ABHD12: variants seen among roughly 807,000 people sequenced by gnomAD.
ABHD12 encodes the protein lysophosphatidylserine lipase ABHD12.
A neutral mutation model predicts 58.3 loss-of-function variants in ABHD12; 43 were observed. The observed-to-expected ratio is 0.74, with a 90% CI of 0.58 to 0.95. The LOEUF (loss-of-function observed/expected upper bound fraction) is 0.95. Ranked by LOEUF, ABHD12 falls within the 40% of genes least tolerant of loss-of-function variation. The probability of loss-of-function intolerance (pLI) is 0.00; values close to 1 mark genes in which losing one functional copy is unlikely to be tolerated. For missense variants in ABHD12, 539 were observed against 537.2 expected, an observed-to-expected ratio of 1.00 and a Z score of -0.03; for synonymous variants, 219 against 211.2, an observed-to-expected ratio of 1.04 and a Z score of -0.32.
chr20:25,345,137 G>A (rs182878701), intron 1 of ABHD12, among the ~76,000 whole-genome samples: 2 of 151,714 alleles, frequency 1.3e-5, no homozygotes, highest in East Asian at 3.9e-4. Flanking sequence ...CCAGGCTGAA[G>A]TGCAGTGGTG....
intron 2 of ABHD12, among the ~76,000 whole-genome samples, chr20:25,324,631 T>C (rs1369647512): frequency 6.6e-6 from 1 of 152,138 alleles, no homozygotes; most frequent in Non-Finnish European, 1.5e-5. Flanking sequence ...CCCATGTCCA[T>C]GTGGCACATT....
At chr20:25,344,941 T>C (rs772575807) in intron 1 of ABHD12, among the ~76,000 whole-genome samples, 3 of 152,112 alleles carry the variant, frequency 2.0e-5, no homozygotes, top group Non-Finnish European at 4.4e-5. Context: ...TACATTCGTA[T>C]GGAAAAAAAT....
At chr20:25,374,681 C>T (rs1347617164) in intron 1 of ABHD12, among the ~76,000 whole-genome samples, 1 of 152,122 alleles carries the variant, frequency 6.6e-6, no homozygotes, top group Non-Finnish European at 1.5e-5. Flanking sequence ...TTAGTAGAGA[C>T]AGGACACAGG....
chr20:25,390,220 G>A (rs1175982486), intron 1 of ABHD12: 1 of 295,480 alleles, frequency 3.4e-6, no homozygotes, highest in East Asian at 6.2e-5. Context: ...CGGCTTCCCC[G>A]GGAAAGGGTC....
intron 2 of ABHD12, among the ~76,000 whole-genome samples, chr20:25,330,259 CT>C (rs1218181251): frequency 1.3e-5 from 2 of 152,250 alleles, no homozygotes; most frequent in Admixed American, 6.5e-5. Context: ...TTCCGACTGG[CT>C]TAAAAAACGG....
intron 2 of ABHD12, among the ~76,000 whole-genome samples, chr20:25,331,969 T>C (rs2089284238): frequency 6.6e-6 from 1 of 152,068 alleles, no homozygotes; most frequent in African/African-American, 2.4e-5. Context: ...TAACTTTGAA[T>C]GTAAATGGAC....
chr20:25,317,172 A>G, intron 4 of ABHD12, 94 bp from the exon 5 acceptor site: 1 of 812,714 alleles, frequency 1.2e-6, no homozygotes, highest in Non-Finnish European at 2.1e-6. Flanking sequence ...GGGGGAGGCC[A>G]ATGAAAGAGG....
intron 1 of ABHD12, among the ~76,000 whole-genome samples, chr20:25,359,361 T>C (rs1215722235): frequency 7.0e-6 from 1 of 143,080 alleles, no homozygotes; most frequent in Non-Finnish European, 1.5e-5. Flanking sequence ...GAGGCGGAGC[T>C]TGCAGTGAGC....
downstream of ABHD12, chr20:25,296,273 G>T: frequency 6.8e-7 from 1 of 1,471,064 alleles, no homozygotes; most frequent in Middle Eastern, 1.7e-4. Context: ...AAGGCTCGGA[G>T]CTCATTTGGA....
intron 1 of ABHD12, among the ~76,000 whole-genome samples, chr20:25,382,631 T>G (rs956416891): frequency 6.6e-6 from 1 of 152,166 alleles, no homozygotes; most frequent in Non-Finnish European, 1.5e-5. Flanking sequence ...CCTGACAAGA[T>G]GACCCATCTT....
Position 25,339,219 on chromosome 20 carries a change from C to A in ABHD12, c.316+8G>T, listed in dbSNP as rs914236462. On this transcript the variant is annotated splice_region_variant and intron_variant, in intron 2 of 12. Coordinates refer to ENST00000339157, the MANE Select transcript of ABHD12 (RefSeq NM_001042472.3). The stretch of plus-strand genomic sequence containing the variant: ...AAATTAAAGGAAAAATGGACACATA[C>A]CACTTACCGAAATTCAAGAAAATCA... 5.0e-6 allele frequency: 8 copies of A among 1,613,936 alleles called. No individual in the cohort carries two copies.
At chr20:25,302,470 T>A (rs987669200) in intron 11 of ABHD12, 124 bp from the exon 12 acceptor site, 3 of 1,320,904 alleles carry the variant, frequency 2.3e-6, no homozygotes, top group Admixed American at 1.8e-5. Context: ...ACACTGCTTG[T>A]TGCCACAGCC....
At chr20:25,346,946 G>A (rs1036932175) in intron 1 of ABHD12, among the ~76,000 whole-genome samples, 2 of 151,950 alleles carry the variant, frequency 1.3e-5, no homozygotes, top group African/African-American at 4.8e-5. Flanking sequence ...GCCCGGCCAA[G>A]TTTATTAATT....
intron 2 of ABHD12, among the ~76,000 whole-genome samples, chr20:25,337,842 G>C (rs1214678181): frequency 6.6e-6 from 1 of 152,198 alleles, no homozygotes; most frequent in Non-Finnish European, 1.5e-5. Flanking sequence ...TTGGTATACT[G>C]TTAGTTTCTT....
intron 2 of ABHD12, among the ~76,000 whole-genome samples, chr20:25,335,874 G>A (rs2089358615): frequency 6.7e-6 from 1 of 149,386 alleles, no homozygotes; most frequent in Non-Finnish European, 1.5e-5. Context: ...GAGTTAGTGG[G>A]TGCAGCACAC....
intron 4 of ABHD12, among the ~76,000 whole-genome samples, chr20:25,319,559 C>A (rs372283299): frequency 6.6e-6 from 1 of 152,198 alleles, no homozygotes; most frequent in Non-Finnish European, 1.5e-5. Context: ...TCCGGCTTCA[C>A]CTGTCTGCCA....
intron 1 of ABHD12, among the ~76,000 whole-genome samples, chr20:25,364,965 A>G (rs935358800): frequency 3.3e-5 from 5 of 152,160 alleles, no homozygotes; most frequent in Non-Finnish European, 7.3e-5. Flanking sequence ...AGAGTTGGGC[A>G]TGGGAATGGC....
At chr20:25,385,641 T>C (rs912450424) in intron 1 of ABHD12, among the ~76,000 whole-genome samples, 5 of 151,498 alleles carry the variant, frequency 3.3e-5, no homozygotes, top group Admixed American at 3.3e-4. Flanking sequence ...AGAGAGAAGT[T>C]CAAGACCAGC....
chr20:25,306,913 T>C lies in ABHD12; in HGVS notation c.870A>G (p.Ile290Met), dbSNP rs978083069. Residue 290 changes from isoleucine (I) to methionine (M), a missense_variant and splice_region_variant, in exon 10 of 13, where the codon ATA becomes ATG. Transcript: ENST00000339157. ...AGTCAAACCCAGGGAAGTATCGATA[T>C]ATCTGGAGACAAGATGGAAACCATT... ...EEAKSHPFSV[I>M]YRYFPGFDWF... 1.5e-5 allele frequency: 24 copies of C among 1,605,714 alleles called. No individual in the cohort carries two copies. Among genetic ancestry groups the C allele is most frequent in the Middle Eastern group, 3.3e-4 (2 of 6,072 alleles).
Sources: gnomAD v4.1 joint callset for allele counts (sites outside exome capture counted in the v4.1 genomes callset) on GRCh38, gnomAD v4.1.1 for gene constraint, MANE v1.5 for transcripts, NCBI Gene and HGNC (gene_info 2026-07-23, HGNC 2026-07-21) for gene names.